RASGEF1C: variants seen among roughly 807,000 people sequenced by gnomAD.
RASGEF1C encodes the protein ras-GEF domain-containing family member 1C.
Under a neutral mutation model 58.1 loss-of-function variants are expected in RASGEF1C, and 27 were observed. That is an observed-to-expected ratio of 0.46 (90% CI 0.34 to 0.64). RASGEF1C has a LOEUF of 0.64. RASGEF1C is among the 30% of genes least tolerant of loss of function. RASGEF1C has a pLI of 0.01. For synonymous variants in RASGEF1C, 243 were observed against 246.3 expected, an observed-to-expected ratio of 0.99 and a Z score of 0.13; for missense variants, 502 against 605.1, an observed-to-expected ratio of 0.83 and a Z score of 1.79.
At chr5:180,161,747 C>G (rs1292657595) in intron 1 of RASGEF1C, among the ~76,000 whole-genome samples, 1 of 152,260 alleles carries the variant, frequency 6.6e-6, no homozygotes, top group African/African-American at 2.4e-5. Flanking sequence ...CTGCGCGTGG[C>G]TGACGCCCCC....
intron 1 of RASGEF1C, among the ~76,000 whole-genome samples, chr5:180,159,095 C>G (rs766826637): frequency 6.6e-6 from 1 of 150,732 alleles, no homozygotes; most frequent in African/African-American, 2.4e-5. Context: ...AATATCTTCT[C>G]TTACCTCTCT....
intron 6 of RASGEF1C, among the ~76,000 whole-genome samples, chr5:180,126,182 C>A (rs1350238231): frequency 6.6e-6 from 1 of 152,170 alleles, no homozygotes; most frequent in Non-Finnish European, 1.5e-5. Flanking sequence ...CCGAGGCGGG[C>A]AGATCACAAG....
At chr5:180,115,139 C>A in intron 10 of RASGEF1C, 2 of 296,720 alleles carry the variant, frequency 6.7e-6, no homozygotes, top group South Asian at 6.0e-5. Flanking sequence ...TTCAGCCTCC[C>A]GAGTAGCTGG....
At chr5:180,105,572 AAAG>A (rs1241617463) in intron 12 of RASGEF1C, among the ~76,000 whole-genome samples, 6 of 145,752 alleles carry the variant, frequency 4.1e-5, no homozygotes, top group Non-Finnish European at 7.5e-5. Context: ...AAAAAAAAAA[AAAG>A]AAGTAAAATA....
intron 1 of RASGEF1C, among the ~76,000 whole-genome samples, chr5:180,190,043 A>G (rs1302206027): frequency 1.3e-5 from 2 of 151,586 alleles, no homozygotes; most frequent in Non-Finnish European, 2.9e-5. Context: ...CCAAAGGCAA[A>G]AATCAACTAA....
chr5:180,119,857 C>T (rs1236914311), intron 7 of RASGEF1C, among the ~76,000 whole-genome samples: 1 of 152,186 alleles, frequency 6.6e-6, no homozygotes, highest in Non-Finnish European at 1.5e-5. Context: ...GCCTGTCCCT[C>T]GAGCAGCCCC....
At position 180,137,857 on chromosome 5, in the gene RASGEF1C, C is replaced by A. The variant is rs143472985; in HGVS notation, c.177+19G>T. 259 of 1,608,928 alleles carry A rather than the reference C, an allele frequency of 1.6e-4. 1 individual carries two copies. The South Asian group carries it at 1.9e-3, about 12-fold the overall frequency. On this transcript the variant is annotated intron_variant, in intron 2 of 13. Transcript: ENST00000361132. The surrounding 1 kb of genome is among the most constrained non-coding windows in gnomAD (Gnocchi z 4.1). ...GTGGAGGAGAGCCCACTCTCCTGCC[C>A]GCTGGGTGGATCACCCACCTCGGGG...
At chr5:180,206,310 T>C (rs186249718) in intron 1 of RASGEF1C, among the ~76,000 whole-genome samples, 1 of 152,326 alleles carries the variant, frequency 6.6e-6, no homozygotes, top group African/African-American at 2.4e-5. Flanking sequence ...ACACAGATGA[T>C]TGCTTTATAA....
At position 180,168,025 on chromosome 5, in the gene RASGEF1C, T is replaced by C. The variant is rs56941993; in HGVS notation, c.-6-29967A>G. Among the ~76,000 whole-genome samples, 1,829 of 152,290 alleles carry C rather than the reference T, an allele frequency of 0.012. 35 individuals carry two copies. The highest frequency in any genetic ancestry group is 0.042 in the African/African-American group (1,732 of 41,562). On this transcript the variant is annotated intron_variant, in intron 1 of 13. Coordinates refer to ENST00000361132, the MANE Select transcript of RASGEF1C (RefSeq NM_175062.4). The surrounding 1 kb of genome is among the most constrained non-coding windows in gnomAD (Gnocchi z 6.0). ...GAGACCTGGGCCGTGTTTTATTTTG[T>C]ACTATAGTTGTCAAAGCCTATGATG...
Position 180,100,824 on chromosome 5 carries a change from G to A in RASGEF1C, c.*677C>T. On this transcript the variant is annotated 3_prime_UTR_variant, in exon 14 of 14. Coordinates refer to ENST00000361132, the MANE Select transcript of RASGEF1C (RefSeq NM_175062.4). ...CGTACGGGTGTGTTTATAGTGACTA[G>A]AGTTTACAAGGGGGCTGGGTGGCGG... The A allele has an allele frequency of 6.6e-6, 1 of 152,622 alleles. No homozygotes were observed. Among genetic ancestry groups the A allele is most frequent in the East Asian group, 1.9e-4 (1 of 5,202 alleles). The allele number at this position is 152,622 out of a possible 1,614,324, so 9.5% of individuals were successfully genotyped here. A position where few individuals can be genotyped will look rare whatever the true frequency, so the allele number is the denominator to read the frequency against.
At chr5:180,133,568 TTC>T (rs1766405491) in intron 4 of RASGEF1C, among the ~76,000 whole-genome samples, 1 of 152,214 alleles carries the variant, frequency 6.6e-6, no homozygotes, top group Admixed American at 6.5e-5. Flanking sequence ...ACACAGCACT[TTC>T]TATCATTTTA....
At chr5:180,172,834 GCCTCCCTGTGCTCCTCA>G (rs1410388624) in intron 1 of RASGEF1C, among the ~76,000 whole-genome samples, 1 of 152,014 alleles carries the variant, frequency 6.6e-6, no homozygotes, top group African/African-American at 2.4e-5. Flanking sequence ...CTTGTCCTCT[GCCTCCCTGTGCTCCTCA>G]CCTCCCTGTG....
intron 1 of RASGEF1C, among the ~76,000 whole-genome samples, chr5:180,141,769 G>A (rs1296091420): frequency 6.7e-6 from 1 of 148,188 alleles, no homozygotes; most frequent in Non-Finnish European, 1.5e-5. Flanking sequence ...GAGTGTAGTG[G>A]CACGATCTTT....
rs1451758275 is a variant in RASGEF1C at position 180,118,659 on chromosome 5, G to C, written c.1033C>G (p.Leu345Val). The C allele has an allele frequency of 6.2e-7, 1 of 1,614,006 alleles. No individual in the cohort carries two copies. The highest frequency in any genetic ancestry group is 8.5e-7 in the Non-Finnish European group (1 of 1,180,024). Residue 345 changes from leucine to valine, a missense_variant, in exon 10 of 14, where the codon CTG (leucine) becomes GTG (valine). Coordinates refer to ENST00000361132, the MANE Select transcript of RASGEF1C (RefSeq NM_175062.4). The stretch of plus-strand genomic sequence containing the variant: ...AGGGAGCGGTGGGCCGCCCCGCGCA[G>C]GGCTGTCCTGTAGTTGCAGAAATTC... ...TGNFCNYRTALRGAAHRSLTA... is the reference protein window; with the variant it reads ...TGNFCNYRTAVRGAAHRSLTA...
intron 1 of RASGEF1C, among the ~76,000 whole-genome samples, chr5:180,195,764 CAAAAAAAAGAAAAA>C (rs1170648513): frequency 7.3e-6 from 1 of 136,868 alleles, no homozygotes; most frequent in Non-Finnish European, 1.6e-5. Flanking sequence ...GACTCCGTCT[CAAAAAAAAGAAAAA>C]AAAAAAAAGA....
In RASGEF1C at chr5:180,158,662, T is replaced by TCC. The variant is rs1224290897; in HGVS notation, c.-6-20606_-6-20605dup. Among the ~76,000 whole-genome samples the TCC allele has an allele frequency of 6.6e-6, 1 of 152,130 alleles. No homozygotes were observed. The highest frequency in any genetic ancestry group is 2.4e-5 in the African/African-American group (1 of 41,420). On this transcript the variant is annotated intron_variant, in intron 1 of 13. Transcript: ENST00000361132. This position sits in a 1 kb window ranked among gnomAD's most constrained non-coding sequence, Gnocchi z 4.0. ...CCGTATCCCAAGAAAAACCCCTCAGTCCCAGGTAAACAAAGCCAGTTGGTC... is the reference window on the plus strand; with the variant it reads ...CCGTATCCCAAGAAAAACCCCTCAGTCCCCCAGGTAAACAAAGCCAGTTGGTC...
At chr5:180,207,013 T>C (rs553107670) in intron 1 of RASGEF1C, among the ~76,000 whole-genome samples, 1 of 152,326 alleles carries the variant, frequency 6.6e-6, no homozygotes, top group African/African-American at 2.4e-5. Flanking sequence ...CTTTAAACCA[T>C]GTGTTTTACG....
intron 1 of RASGEF1C, among the ~76,000 whole-genome samples, chr5:180,194,784 C>A (rs1013650026): frequency 6.6e-6 from 1 of 152,210 alleles, no homozygotes; most frequent in African/African-American, 2.4e-5. Context: ...CGGAGCCTGA[C>A]CGACCTTCTC....
intron 11 of RASGEF1C, among the ~76,000 whole-genome samples, chr5:180,113,019 C>T (rs1260082454): frequency 4.0e-5 from 3 of 74,468 alleles, no homozygotes; most frequent in Admixed American, 1.6e-4. Context: ...GACGGAGGGA[C>T]CGGGGATGGA....
Sources: allele counts gnomAD v4.1 joint callset (sites outside exome capture counted in the v4.1 genomes callset), GRCh38; gene constraint gnomAD v4.1.1; non-coding constraint Gnocchi (gnomAD v3.1); transcripts MANE v1.5; gene names NCBI Gene and HGNC (gene_info 2026-07-23, HGNC 2026-07-21).